The following SNX8 variants were observed in gnomAD, a reference collection of about 807,000 sequenced individuals.
SNX8 encodes the protein sorting nexin 8, also known as sorting nexin-8.
A neutral mutation model predicts 51.6 loss-of-function variants in SNX8; 25 were observed. That is an observed-to-expected ratio of 0.48 (90% confidence interval 0.35 to 0.68). SNX8 has a LOEUF of 0.68. Ranked by LOEUF, SNX8 falls within the 30% of genes least tolerant of loss-of-function variation. The pLI is 0.00. For missense variants in SNX8, 695 were observed against 624.0 expected (o/e 1.11, Z -1.21); for synonymous variants, 324 against 277.0 (o/e 1.17, Z -1.68).
Position 2,255,010 on chromosome 7 carries a change from A to C in SNX8, c.*46T>G, listed in dbSNP as rs1370553171. The C allele has an allele frequency of 8.0e-7, 1 of 1,253,910 alleles. No individual in the cohort carries two copies. The highest frequency in any genetic ancestry group is 1.1e-6 in the Non-Finnish European group (1 of 877,672). The allele number at this position is 1,253,910 out of a possible 1,614,324, so 77.7% of individuals were successfully genotyped here. ...TTACACCGGGACACACCGTTTGGAA[A>C]GAGGTTTTAGTGCGGCCGCAGGGAG... On this transcript the variant is annotated 3_prime_UTR_variant, in exon 11 of 11. Transcript: ENST00000222990.
intron 4 of SNX8, 61 bp downstream of exon 4, chr7:2,271,789 G>T: frequency 3.2e-6 from 5 of 1,541,176 alleles, no homozygotes; most frequent in Non-Finnish European, 1.8e-6. Flanking sequence ...AGAGGAAAAG[G>T]CGGGTCCGGA....
chr7:2,278,449 G>A, intron 1 of SNX8, 144 bp from the exon 2 acceptor site: 2 of 582,560 alleles, frequency 3.4e-6, no homozygotes, highest in Non-Finnish European at 6.1e-6. Flanking sequence ...TTCAAGACCA[G>A]CCTAGGTAAT....
chr7:2,262,739 G>A (rs992227848), intron 7 of SNX8, among the ~76,000 whole-genome samples: 3 of 152,238 alleles, frequency 2.0e-5, no homozygotes, highest in African/African-American at 7.2e-5. Flanking sequence ...CCTCTCGAAA[G>A]CGTAAACGCT....
At chr7:2,296,696 C>T (rs370010734) in intron 1 of SNX8, among the ~76,000 whole-genome samples, 12 of 151,852 alleles carry the variant, frequency 7.9e-5, no homozygotes, top group South Asian at 6.2e-4. Flanking sequence ...TTTGGGAGGC[C>T]GAGGCGGGTG....
chr7:2,333,349 C>T (rs550912125), intron 1 of SNX8, among the ~76,000 whole-genome samples: 1 of 152,150 alleles, frequency 6.6e-6, no homozygotes, highest in South Asian at 2.1e-4. Flanking sequence ...GATCCAAGGT[C>T]AAGAGATCAA....
chr7:2,314,195 C>A (rs1009013117), intron 1 of SNX8, 133 bp downstream of exon 1: 4 of 954,396 alleles, frequency 4.2e-6, no homozygotes, highest in Admixed American at 4.5e-5. Flanking sequence ...GGGACTGGGG[C>A]GTGGGGCCGA....
chr7:2,257,802 C>G lies in SNX8; in HGVS notation c.917G>C (p.Gly306Ala). Residue 306 changes from glycine to alanine, a missense_variant and splice_region_variant, in exon 8 of 11, where the codon GGT becomes GCT. By Grantham distance (60) the Gly-to-Ala change is moderately conservative (BLOSUM62 0). Transcript: ENST00000222990. ...CACCACGTCGTTCTCTTCCTGCTTA[C>G]CCTGGAAGGCGAGGGGGAGCTCACC... ...ALLADKAAQQ[G>A]KQEENDVVEK... The G allele has an allele frequency of 1.9e-6, 3 of 1,613,734 alleles. No homozygotes were observed. Among genetic ancestry groups the G allele is most frequent in the Non-Finnish European group, 2.5e-6 (3 of 1,179,788 alleles).
At chr7:2,309,596 TG>T (rs1265819926) in intron 1 of SNX8, among the ~76,000 whole-genome samples, 2 of 152,048 alleles carry the variant, frequency 1.3e-5, no homozygotes, top group Non-Finnish European at 2.9e-5. Context: ...CCAGGTGTGG[TG>T]ACGCATGCCT....
At chr7:2,311,452 G>T (rs1584731634) in intron 1 of SNX8, among the ~76,000 whole-genome samples, 1 of 152,060 alleles carries the variant, frequency 6.6e-6, no homozygotes, top group African/African-American at 2.4e-5. Flanking sequence ...CTAGCGCCTG[G>T]GCTCGGGCGA....
intron 1 of SNX8, among the ~76,000 whole-genome samples, chr7:2,342,522 G>A (rs1778951214): frequency 6.6e-6 from 1 of 151,744 alleles, no homozygotes; most frequent in Non-Finnish European, 1.5e-5. Flanking sequence ...GGACGCAGTG[G>A]TGCGGGGCTG....
chr7:2,264,416 G>A lies in SNX8; in HGVS notation c.664C>T (p.Arg222Trp), dbSNP rs375260506. The change falls in exon 6 of 11, where the codon CGG becomes TGG. Residue 222 changes from arginine (R) to tryptophan (W), a missense_variant. Arg to Trp is a moderately radical substitution (Grantham distance 101). Coordinates refer to ENST00000222990, the MANE Select transcript of SNX8 (RefSeq NM_013321.4). ...ADIQAQFAIS[R>W]ELIRNIYNSF... ...TTGTAGATGTTCCGGATCAGCTCCC[G>A]GCTGATGGCAAACTGAGCCTGGATG... 9.3e-6 allele frequency: 15 copies of A among 1,612,076 alleles called. No homozygotes were observed. The highest frequency in any genetic ancestry group is 5.5e-5 in the South Asian group (5 of 91,080).
At chr7:2,321,666 G>A (rs569831493) in intron 1 of SNX8, among the ~76,000 whole-genome samples, 43 of 148,288 alleles carry the variant, frequency 2.9e-4, no homozygotes, top group Middle Eastern at 3.7e-3. Flanking sequence ...CGCCCTCCTC[G>A]GCCTCCCAAA....
chr7:2,316,464 T>C (rs1584735700), upstream of SNX8, among the ~76,000 whole-genome samples: 1 of 144,372 alleles, frequency 6.9e-6, no homozygotes, highest in African/African-American at 2.6e-5. Context: ...CCTGCATTCA[T>C]TCACCCACTC....
intron 1 of SNX8, among the ~76,000 whole-genome samples, chr7:2,303,299 G>C (rs373320454): frequency 9.5e-4 from 140 of 147,576 alleles, no homozygotes; most frequent in Middle Eastern, 3.7e-3. Flanking sequence ...TCAGCCCCCC[G>C]CCCGGCCAGC....
intron 1 of SNX8, among the ~76,000 whole-genome samples, chr7:2,306,289 G>A (rs184332379): frequency 8.4e-4 from 127 of 152,060 alleles, no homozygotes; most frequent in Non-Finnish European, 1.6e-3. Context: ...CACCAAGCCT[G>A]GCTAATTTTT....
intron 1 of SNX8, among the ~76,000 whole-genome samples, chr7:2,282,661 CCA>C (rs1795933967): frequency 1.3e-5 from 2 of 152,328 alleles, no homozygotes; most frequent in South Asian, 4.1e-4. Context: ...GCCTCCCACC[CCA>C]GAGACCGCAG....
intron 1 of SNX8, among the ~76,000 whole-genome samples, chr7:2,331,894 T>G (rs990729581): frequency 1.4e-5 from 2 of 140,580 alleles, no homozygotes; most frequent in Non-Finnish European, 3.1e-5. Flanking sequence ...AAAAGAAATA[T>G]TTAAGGACAG....
At chr7:2,343,196 G>T (rs1228520444) in intron 1 of SNX8, among the ~76,000 whole-genome samples, 1 of 151,918 alleles carries the variant, frequency 6.6e-6, no homozygotes, top group East Asian at 1.9e-4. Flanking sequence ...CTCCCAAAGT[G>T]CTGGGATTAC....
chr7:2,336,200 G>C (rs1357576570), intron 1 of SNX8, among the ~76,000 whole-genome samples: 1 of 148,696 alleles, frequency 6.7e-6, no homozygotes, highest in Non-Finnish European at 1.5e-5. Context: ...TAGGGAATTC[G>C]AGACCAGCCT....
Sources: allele counts gnomAD v4.1 joint callset (sites outside exome capture counted in the v4.1 genomes callset), GRCh38; gene constraint gnomAD v4.1.1; transcripts MANE v1.5; gene names NCBI Gene and HGNC (gene_info 2026-07-23, HGNC 2026-07-21).